Variants in KCNQ3 observed in about 807,000 individuals in gnomAD.
KCNQ3 encodes the protein potassium voltage-gated channel subfamily Q member 3, also known as potassium voltage-gated channel subfamily KQT member 3.
In KCNQ3, 30 loss-of-function variants were observed where a neutral mutation model predicts 92.5. That is an observed-to-expected ratio of 0.32 (90% CI 0.24 to 0.44). The LOEUF is 0.44. Among genes scored for constraint, KCNQ3 ranks in the 20% least tolerant of loss-of-function variants. The pLI, the probability that KCNQ3 is intolerant of heterozygous loss-of-function variation, is 1.00. For missense variants in KCNQ3, 913 were observed against 1,140.3 expected, an observed-to-expected ratio of 0.80 and a Z score of 2.87; for synonymous variants, 450 against 468.8, an observed-to-expected ratio of 0.96 and a Z score of 0.52.
At chr8:132,442,876 A>T (rs1272072919) in intron 1 of KCNQ3, among the ~76,000 whole-genome samples, 1 of 152,114 alleles carries the variant, frequency 6.6e-6, no homozygotes, top group East Asian at 1.9e-4. Context: ...AGAGAAAAAA[A>T]TGTTTGAGAT....
intron 9 of KCNQ3, among the ~76,000 whole-genome samples, chr8:132,152,704 G>A (rs545405498): frequency 2.0e-5 from 3 of 152,230 alleles, no homozygotes; most frequent in African/African-American, 7.2e-5. Context: ...AGTAAAAAAT[G>A]TCATTTTCTA....
intron 1 of KCNQ3, among the ~76,000 whole-genome samples, chr8:132,306,505 C>A (rs552672975): frequency 1.3e-5 from 2 of 152,274 alleles, no homozygotes; most frequent in Admixed American, 6.5e-5. Context: ...GGGGTGCCAC[C>A]CGGAAACCTC....
At chr8:132,285,370 T>C (rs151100623) in intron 1 of KCNQ3, among the ~76,000 whole-genome samples, 11 of 152,194 alleles carry the variant, frequency 7.2e-5, no homozygotes, top group African/African-American at 2.7e-4. Context: ...AGATATCAGA[T>C]GGAAAATGAG....
chr8:132,230,909 T>C lies in KCNQ3; in HGVS notation c.387-44728A>G, dbSNP rs372616914. ...AGTCCTAATCCACAGTACCTCAGAA[T>C]GTGAGGTTGTTTGGAAACAGGGTCT... On this transcript the variant is annotated intron_variant, in intron 1 of 14. Coordinates refer to ENST00000388996, the MANE Select transcript of KCNQ3 (RefSeq NM_004519.4). Among the ~76,000 whole-genome samples the C allele has an allele frequency of 2.4e-4, 37 of 152,270 alleles. 1 individual carries two copies. The East Asian group carries it at 4.1e-3, about 17-fold the overall frequency.
intron 1 of KCNQ3, among the ~76,000 whole-genome samples, chr8:132,301,728 G>A (rs1192725346): frequency 1.3e-5 from 2 of 152,072 alleles, no homozygotes; most frequent in African/African-American, 4.8e-5. Flanking sequence ...TCACTGAGAT[G>A]GGGATACAGA....
intron 3 of KCNQ3, 121 bp downstream of exon 3, chr8:132,184,120 C>T: frequency 8.0e-7 from 1 of 1,252,456 alleles, no homozygotes; most frequent in Middle Eastern, 2.7e-4. Flanking sequence ...GCGTCAGGGG[C>T]TGAGCTGGCC....
At chr8:132,179,266 C>T (rs1156413269) in intron 4 of KCNQ3, among the ~76,000 whole-genome samples, 1 of 151,840 alleles carries the variant, frequency 6.6e-6, no homozygotes, top group Non-Finnish European at 1.5e-5. Flanking sequence ...GCTTGGGTTC[C>T]ATACCTGCTC....
At chr8:132,284,488 A>AT (rs5895136) in intron 1 of KCNQ3, among the ~76,000 whole-genome samples, 87,998 of 150,418 alleles carry the variant, frequency 0.59, 26,609 homozygotes, top group East Asian at 0.82. Flanking sequence ...AACTCTATAG[A>AT]TTTTTTTTTT....
chr8:132,236,719 TAAG>T (rs1370711011), intron 1 of KCNQ3, among the ~76,000 whole-genome samples: 1 of 152,152 alleles, frequency 6.6e-6, no homozygotes, highest in Non-Finnish European at 1.5e-5. Flanking sequence ...TGACTTTGAG[TAAG>T]AAGATTAACT....
chr8:132,464,620 G>A (rs888442351), intron 1 of KCNQ3, among the ~76,000 whole-genome samples: 4 of 152,136 alleles, frequency 2.6e-5, no homozygotes, highest in African/African-American at 4.8e-5. Flanking sequence ...ATTCTTCATG[G>A]TCAAGGCTGT....
At chr8:132,372,283 T>C (rs1043217663) in intron 1 of KCNQ3, among the ~76,000 whole-genome samples, 4 of 152,198 alleles carry the variant, frequency 2.6e-5, no homozygotes, top group Admixed American at 1.3e-4. Flanking sequence ...AGGCTGCAGC[T>C]TCATGGATGG....
chr8:132,459,463 AG>A (rs1158539678), intron 1 of KCNQ3, among the ~76,000 whole-genome samples: 2 of 152,246 alleles, frequency 1.3e-5, no homozygotes, highest in African/African-American at 4.8e-5. Context: ...AGAGGAAGCA[AG>A]GCAGAGGAAA....
intron 1 of KCNQ3, among the ~76,000 whole-genome samples, chr8:132,439,961 A>G (rs1821494375): frequency 6.6e-6 from 1 of 152,208 alleles, no homozygotes; most frequent in African/African-American, 2.4e-5. Flanking sequence ...TCCTGAGGAT[A>G]TCACAATCCC....
intron 1 of KCNQ3, among the ~76,000 whole-genome samples, chr8:132,293,616 T>C (rs1816921811): frequency 6.6e-6 from 1 of 152,208 alleles, no homozygotes; most frequent in Admixed American, 6.5e-5. Context: ...CATCAGTCCC[T>C]GCATGCTATG....
intron 1 of KCNQ3, among the ~76,000 whole-genome samples, chr8:132,318,838 C>T (rs780550843): frequency 1.8e-4 from 28 of 152,172 alleles, no homozygotes; most frequent in Non-Finnish European, 2.8e-4. Context: ...AATCCATTTT[C>T]CTCAGGAATT....
chr8:132,374,863 T>C (rs1488343404), intron 1 of KCNQ3, among the ~76,000 whole-genome samples: 2 of 152,214 alleles, frequency 1.3e-5, no homozygotes, highest in African/African-American at 2.4e-5. Context: ...GATCTCATTC[T>C]TTTTTATGGC....
chr8:132,387,982 G>A (rs1373040406), intron 1 of KCNQ3, among the ~76,000 whole-genome samples: 2 of 107,884 alleles, frequency 1.9e-5, no homozygotes, highest in African/African-American at 8.8e-5. Flanking sequence ...AGGAGAAGAG[G>A]AAGAGGAAGA....
chr8:132,163,573 A>G, intron 8 of KCNQ3, 79 bp from the exon 9 acceptor site: 1 of 1,201,360 alleles, frequency 8.3e-7, no homozygotes, highest in South Asian at 1.2e-5. Flanking sequence ...ATTGCTGCAA[A>G]GCTTCTCTCT....
At chr8:132,226,014 G>A (rs529476889) in intron 1 of KCNQ3, among the ~76,000 whole-genome samples, 25 of 152,286 alleles carry the variant, frequency 1.6e-4, no homozygotes, top group Admixed American at 9.8e-4. Context: ...GCTCAAGCCT[G>A]TAATCCCAGC....
Sources: gnomAD v4.1 joint callset for allele counts (sites outside exome capture counted in the v4.1 genomes callset) on GRCh38, gnomAD v4.1.1 for gene constraint, MANE v1.5 for transcripts, NCBI Gene and HGNC (gene_info 2026-07-23, HGNC 2026-07-21) for gene names.